The following KATNIP variants were observed in gnomAD, a reference collection of about 807,000 sequenced individuals.
KATNIP encodes katanin interacting protein, also known as katanin-interacting protein.
KATNIP carries 126 observed loss-of-function variants against 174.0 expected under a neutral mutation model. The ratio of observed to expected loss-of-function variants is 0.72; its 90% confidence interval spans 0.63 to 0.84. The LOEUF (loss-of-function observed/expected upper bound fraction) is 0.84. Among genes scored for constraint, KATNIP ranks in the 40% least tolerant of loss-of-function variants. The pLI is 0.00. For synonymous variants in KATNIP, 810 were observed against 835.7 expected (o/e 0.97, Z 0.53); for missense variants, 1,958 against 2,109.7 (o/e 0.93, Z 1.41).
intron 6 of KATNIP, among the ~76,000 whole-genome samples, chr16:27,664,193 G>A (rs968055888): frequency 6.6e-6 from 1 of 151,960 alleles, no homozygotes; most frequent in Non-Finnish European, 1.5e-5. Context: ...TTTTGCTATC[G>A]TTTTGTATTA....
intron 3 of KATNIP, 198 bp from the exon 4 acceptor site, chr16:27,628,463 C>G (rs1596987710): frequency 3.4e-6 from 2 of 581,322 alleles, no homozygotes; most frequent in Non-Finnish European, 6.1e-6. Context: ...GGGCCCCAAA[C>G]TGTCTGCCCC....
chr16:27,690,367 A>AGATAGATAGAT (rs1567304174), intron 8 of KATNIP, among the ~76,000 whole-genome samples: 35 of 142,336 alleles, frequency 2.5e-4, no homozygotes, highest in South Asian at 1.3e-3. Context: ...GATAGATGAT[A>AGATAGATAGAT]GATAGATAGA....
chr16:27,578,770 G>A lies in KATNIP; in HGVS notation c.63+4814G>A, dbSNP rs189996316. 8.0e-3 allele frequency among the ~76,000 whole-genome samples: 1,217 copies of A among 152,214 alleles called. 17 individuals are homozygous for A. Among genetic ancestry groups the A allele is most frequent in the African/African-American group, 0.028 (1,161 of 41,530 alleles). ...TTTTTGTATTTGTAGTAGAGATGGGGTTTCATCATGTTAGCCAGTCTGGCC... is the reference window on the plus strand; with the variant it reads ...TTTTTGTATTTGTAGTAGAGATGGGATTTCATCATGTTAGCCAGTCTGGCC... On this transcript the variant is annotated intron_variant, in intron 2 of 27. Coordinates refer to ENST00000261588, the MANE Select transcript of KATNIP (RefSeq NM_015202.5).
At chr16:27,599,222 G>A (rs1437376977) in intron 2 of KATNIP, among the ~76,000 whole-genome samples, 1 of 152,212 alleles carries the variant, frequency 6.6e-6, no homozygotes, top group Admixed American at 6.5e-5. Flanking sequence ...CAGGGAGGAA[G>A]TGGACCTTAA....
At chr16:27,610,527 A>G (rs1017988845) in intron 2 of KATNIP, among the ~76,000 whole-genome samples, 1 of 152,138 alleles carries the variant, frequency 6.6e-6, no homozygotes, top group Non-Finnish European at 1.5e-5. Context: ...ACCCCTGTGC[A>G]TGCAATTAAA....
At chr16:27,580,039 C>G (rs973959011) in intron 2 of KATNIP, among the ~76,000 whole-genome samples, 7 of 152,118 alleles carry the variant, frequency 4.6e-5, no homozygotes, top group South Asian at 2.1e-4. Context: ...CCCTCTCTGT[C>G]TCTTCAGTGT....
intron 15 of KATNIP, among the ~76,000 whole-genome samples, chr16:27,742,110 T>C (rs1435922991): frequency 6.6e-6 from 1 of 151,614 alleles, no homozygotes; most frequent in South Asian, 2.1e-4. Flanking sequence ...GATGATTAGA[T>C]GGTCTTCAAG....
rs184034441 is a variant in KATNIP, at chr16:27,564,476, C to T, written c.8-9425C>T. Among the ~76,000 whole-genome samples, 33 of 152,100 alleles carry T rather than the reference C, an allele frequency of 2.2e-4. No homozygotes were observed. In the East Asian group the frequency reaches 4.3e-3, roughly 20 times the overall value. On this transcript the variant is annotated intron_variant, in intron 1 of 27. Coordinates refer to ENST00000261588, the MANE Select transcript of KATNIP (RefSeq NM_015202.5). ...TCTAAACCAAGCAAATGCGCGTTAA[C>T]GGTGTGCAGGTTATAAATAAGCATT...
chr16:27,564,010 C>A lies in KATNIP; in HGVS notation c.8-9891C>A, dbSNP rs1210381910. Among the ~76,000 whole-genome samples, 6 of 150,914 alleles carry A rather than the reference C, an allele frequency of 4.0e-5. No homozygotes were observed. The South Asian group carries it at 1.3e-3, about 32-fold the overall frequency. The stretch of plus-strand genomic sequence containing the variant: ...CCCAGTAGGTCGAGACTGCAGTGAG[C>A]CATGATCATGCCCACTGCACTCCAG... On this transcript the variant is annotated intron_variant, in intron 1 of 27. Coordinates refer to ENST00000261588, the MANE Select transcript of KATNIP (RefSeq NM_015202.5).
At position 27,720,834 on chromosome 16, in the gene KATNIP, G is replaced by T. The variant is rs182193785; in HGVS notation, c.1606-724G>T. The stretch of plus-strand genomic sequence containing the variant: ...TGTGAGTTTTGTCCCACTGGAGAGT[G>T]AATAGGTATTGTAGAAAGCCAAGAG... On this transcript the variant is annotated intron_variant, in intron 13 of 27. Transcript: ENST00000261588. 9.8e-5 allele frequency among the ~76,000 whole-genome samples: 15 copies of T among 152,340 alleles called. No homozygotes were observed. The East Asian group carries it at 2.9e-3, about 29-fold the overall frequency.
chr16:27,648,292 C>CAAAA (rs74809919), intron 5 of KATNIP, among the ~76,000 whole-genome samples: 1 of 104,134 alleles, frequency 9.6e-6, no homozygotes, highest in Non-Finnish European at 2.0e-5. Context: ...GATCCTGACT[C>CAAAA]AAAAAAAAAA....
At chr16:27,699,641 T>C (rs771186013) in intron 10 of KATNIP, 42 bp downstream of exon 10, 1 of 1,613,030 alleles carries the variant, frequency 6.2e-7, no homozygotes, top group South Asian at 1.1e-5. Flanking sequence ...CCCACGCATG[T>C]GCGTAGCTCC....
At chr16:27,594,409 G>T (rs529811287) in intron 2 of KATNIP, among the ~76,000 whole-genome samples, 10 of 152,182 alleles carry the variant, frequency 6.6e-5, no homozygotes, top group African/African-American at 2.4e-4. Context: ...ACTCAGGCTA[G>T]AGAGCCCAGG....
intron 14 of KATNIP, among the ~76,000 whole-genome samples, chr16:27,722,978 G>A (rs553614606): frequency 3.7e-4 from 57 of 152,298 alleles, no homozygotes; most frequent in Non-Finnish European, 7.1e-4. Flanking sequence ...AAAGGAGCCC[G>A]CCTCAGGCTG....
intron 4 of KATNIP, 109 bp from the exon 5 acceptor site, chr16:27,630,956 G>A (rs1415520144): frequency 3.8e-6 from 3 of 795,918 alleles, no homozygotes; most frequent in Non-Finnish European, 6.3e-6. Flanking sequence ...TCATACACAA[G>A]ACTTTGGGCA....
chr16:27,685,134 C>G (rs1418307268), intron 8 of KATNIP: 1 of 152,406 alleles, frequency 6.6e-6, no homozygotes, highest in South Asian at 2.1e-4. Context: ...TGCCTGTAAT[C>G]CCAGCACTTT....
rs1348239641 is a variant in KATNIP at position 27,721,547 on chromosome 16, T to C, written c.1606-11T>C. ...GTGCCTAATGATTTCCTTCTCTTGC[T>C]GGCCTTCTAGGGCAAGAAAGACTCC... On this transcript the variant is annotated splice_polypyrimidine_tract_variant and intron_variant, in intron 13 of 27. Transcript: ENST00000261588. 1 of 1,614,000 alleles carries C rather than the reference T, an allele frequency of 6.2e-7. No homozygotes were observed. The highest frequency in any genetic ancestry group is 1.3e-5 in the African/African-American group (1 of 74,942).
chr16:27,552,568 G>A (rs1490407240), intron 1 of KATNIP, among the ~76,000 whole-genome samples: 8 of 150,550 alleles, frequency 5.3e-5, no homozygotes, highest in Admixed American at 2.0e-4. Flanking sequence ...TAGACATGGG[G>A]TTTCCCCATG....
At chr16:27,600,873 G>T (rs549588603) in intron 2 of KATNIP, among the ~76,000 whole-genome samples, 1 of 151,998 alleles carries the variant, frequency 6.6e-6, no homozygotes, top group African/African-American at 2.4e-5. Flanking sequence ...GGGATTACAG[G>T]CACACACCAC....
Sources: allele counts gnomAD v4.1 joint callset (sites outside exome capture counted in the v4.1 genomes callset), GRCh38; gene constraint gnomAD v4.1.1; transcripts MANE v1.5; gene names NCBI Gene and HGNC (gene_info 2026-07-23, HGNC 2026-07-21).